The following SLF1 variants were observed in gnomAD, a reference collection of about 807,000 sequenced individuals.
SLF1 encodes the protein SMC5/6 complex localization factor 1.
SLF1 carries 105 observed loss-of-function variants against 123.0 expected under a neutral mutation model. The observed-to-expected ratio is 0.85, with a 90% CI of 0.73 to 1.00. SLF1 has a LOEUF of 1.00. SLF1 is among the 50% of genes least tolerant of loss of function. The pLI, the probability that SLF1 is intolerant of heterozygous loss-of-function variation, is 0.00. For synonymous variants in SLF1, 434 were observed against 406.6 expected, an observed-to-expected ratio of 1.07 and a Z score of -0.81; for missense variants, 1,239 against 1,223.0, an observed-to-expected ratio of 1.01 and a Z score of -0.20.
At chr5:94,628,320 G>T (rs1421240975) in intron 1 of SLF1, among the ~76,000 whole-genome samples, 1 of 151,074 alleles carries the variant, frequency 6.6e-6, no homozygotes, top group Non-Finnish European at 1.5e-5. Flanking sequence ...TATATTTTTA[G>T]TAGAGGCAGG....
chr5:94,638,774 G>A (rs1004814842), intron 4 of SLF1, among the ~76,000 whole-genome samples: 2 of 152,108 alleles, frequency 1.3e-5, no homozygotes, highest in African/African-American at 4.8e-5. Context: ...CGGTATCCCA[G>A]GCTTGATATT....
At position 94,688,620 on chromosome 5, in the gene SLF1, A is replaced by G. The variant is rs1446830404; in HGVS notation, c.2236A>G (p.Met746Val). Reference sequence around the variant, plus strand: ...TTTTGACTCTCAGAGAACCTTACTAATGCTGAATGGTACTAAACAAAAACA... The same window carrying G: ...TTTTGACTCTCAGAGAACCTTACTAGTGCTGAATGGTACTAAACAAAAACA... ...PCFDSQRTLL[M>V]LNGTKQKQVE... Residue 746 changes from methionine (M) to valine (V), a missense_variant, in exon 17 of 21, where the codon ATG becomes GTG. Coordinates refer to ENST00000265140, the MANE Select transcript of SLF1 (RefSeq NM_032290.4). The G allele has an allele frequency of 6.2e-7, 1 of 1,614,116 alleles. No homozygotes were observed. The highest frequency in any genetic ancestry group is 8.5e-7 in the Non-Finnish European group (1 of 1,179,988).
At chr5:94,632,132 C>G (rs767784908) in intron 4 of SLF1, among the ~76,000 whole-genome samples, 3 of 151,972 alleles carry the variant, frequency 2.0e-5, no homozygotes, top group African/African-American at 7.3e-5. Flanking sequence ...ATTTTATATT[C>G]CCAGTAGTAG....
intron 12 of SLF1, among the ~76,000 whole-genome samples, chr5:94,669,763 G>C (rs1750228535): frequency 6.6e-6 from 1 of 151,906 alleles, no homozygotes; most frequent in South Asian, 2.1e-4. Context: ...AGTAATCTTG[G>C]GTAAGAAAGA....
At chr5:94,627,652 A>G (rs1023009592) in intron 1 of SLF1, among the ~76,000 whole-genome samples, 22 of 142,188 alleles carry the variant, frequency 1.5e-4, no homozygotes, top group African/African-American at 5.7e-4. Flanking sequence ...TGCAAATAGG[A>G]TCTAGGATTA....
At chr5:94,663,027 T>C (rs1052999842) in intron 10 of SLF1, among the ~76,000 whole-genome samples, 1 of 152,268 alleles carries the variant, frequency 6.6e-6, no homozygotes, top group Non-Finnish European at 1.5e-5. Context: ...TTTGCAAATA[T>C]TGCTTGTGCT....
intron 1 of SLF1, chr5:94,620,068 CAG>C (rs1433072022): frequency 1.3e-5 from 2 of 152,134 alleles, no homozygotes; most frequent in East Asian, 3.9e-4. Flanking sequence ...TTAATAGAGA[CAG>C]GGTTTCACCA....
At chr5:94,661,848 T>A (rs557002639) in intron 9 of SLF1, among the ~76,000 whole-genome samples, 5 of 152,292 alleles carry the variant, frequency 3.3e-5, no homozygotes, top group African/African-American at 9.6e-5. Context: ...CAGGGTATTA[T>A]CTCTTTATTA....
rs1351155155 is a variant in SLF1 at position 94,697,458 on chromosome 5, G to A, written c.*2146G>A. ...TCTTAGTCCTAGATTTTCAATGGCA[G>A]ACTTTTCAAAGTTGCATCTGAAGAC... On this transcript the variant is annotated 3_prime_UTR_variant, in exon 21 of 21. Coordinates refer to ENST00000265140, the MANE Select transcript of SLF1 (RefSeq NM_032290.4). 6.6e-6 allele frequency: 1 copy of A among 151,836 alleles called. No homozygotes were observed. The highest frequency in any genetic ancestry group is 2.4e-5 in the African/African-American group (1 of 41,374). 9.4% of individuals were successfully genotyped at this position (151,836 alleles called of 1,614,324 possible).
At chr5:94,685,794 C>T (rs1752347014) in intron 15 of SLF1, among the ~76,000 whole-genome samples, 1 of 151,012 alleles carries the variant, frequency 6.6e-6, no homozygotes, top group Admixed American at 6.6e-5. Flanking sequence ...GAGATCGCAC[C>T]ACTGCACTCC....
chr5:94,632,747 C>G (rs1375914445), intron 4 of SLF1, among the ~76,000 whole-genome samples: 1 of 152,028 alleles, frequency 6.6e-6, no homozygotes, highest in Non-Finnish European at 1.5e-5. Context: ...GTCGCCCAGG[C>G]TGGAGTGCAG....
In SLF1 at chr5:94,630,661, C is replaced by T. The variant is rs971867529; in HGVS notation, c.349C>T (p.Arg117Cys). 5.1e-5 allele frequency: 79 copies of T among 1,551,708 alleles called. No homozygotes were observed. The highest frequency in any genetic ancestry group is 3.3e-4 in the Middle Eastern group (2 of 5,992). Residue 117 changes from arginine (R) to cysteine (C), a missense_variant, in exon 4 of 21, where the codon CGC becomes TGC. Transcript: ENST00000265140. ...TAAAAGATGGCGTGAAGAACTGAAA[C>T]GCACTGGTGCTCCAGGAGCCTTCCA... ...APKRWREELK[R>C]TGAPGAFHRW... is the part of the protein sequence containing the mutation.
chr5:94,650,362 A>AT (rs10603196), intron 6 of SLF1, among the ~76,000 whole-genome samples: 176 of 128,986 alleles, frequency 1.4e-3, no homozygotes, highest in East Asian at 2.9e-3. Flanking sequence ...AATTTGGAAC[A>AT]TTTTTTTTTT....
At chr5:94,684,867 G>A (rs962493412) in intron 15 of SLF1, among the ~76,000 whole-genome samples, 2 of 152,204 alleles carry the variant, frequency 1.3e-5, no homozygotes, top group Admixed American at 1.3e-4. Context: ...GCTGCCACAA[G>A]GCAAGGGCAT....
chr5:94,641,344 T>C (rs1255033955), intron 4 of SLF1, among the ~76,000 whole-genome samples: 1 of 152,194 alleles, frequency 6.6e-6, no homozygotes, highest in Non-Finnish European at 1.5e-5. Context: ...CTTCTGCTTA[T>C]CTTCATGGGA....
intron 16 of SLF1, among the ~76,000 whole-genome samples, chr5:94,687,522 C>A (rs1003951708): frequency 6.6e-6 from 1 of 152,098 alleles, no homozygotes; most frequent in Non-Finnish European, 1.5e-5. Flanking sequence ...CATAGCAATA[C>A]TCTGTCTCTA....
chr5:94,644,381 A>T (rs1746778983), intron 5 of SLF1, among the ~76,000 whole-genome samples: 1 of 152,208 alleles, frequency 6.6e-6, no homozygotes, highest in African/African-American at 2.4e-5. Flanking sequence ...TCACCTACGT[A>T]AAACTCTTCA....
chr5:94,653,469 GTTCTCTGA>G, intron 8 of SLF1, 48 bp downstream of exon 8: 1 of 1,411,980 alleles, frequency 7.1e-7, no homozygotes, highest in Non-Finnish European at 9.4e-7. Flanking sequence ...TTTTTTGGCT[GTTCTCTGA>G]TATAATCTAG....
intron 14 of SLF1, among the ~76,000 whole-genome samples, chr5:94,677,924 CTTT>C (rs5869635): frequency 2.8e-5 from 4 of 145,244 alleles, no homozygotes; most frequent in Non-Finnish European, 4.6e-5. Flanking sequence ...AAATGATATA[CTTT>C]TTTTTTTTTT....
Sources: allele counts gnomAD v4.1 joint callset (sites outside exome capture counted in the v4.1 genomes callset), GRCh38; gene constraint gnomAD v4.1.1; transcripts MANE v1.5; gene names NCBI Gene and HGNC (gene_info 2026-07-23, HGNC 2026-07-21).